RBMS3: variants seen among roughly 807,000 people sequenced by gnomAD.
RBMS3 encodes RNA binding motif single stranded interacting protein 3, also known as RNA-binding motif, single-stranded-interacting protein 3.
RBMS3 carries 27 observed loss-of-function variants against 66.8 expected under a neutral mutation model. The observed-to-expected ratio is 0.40, with a 90% CI of 0.30 to 0.56. RBMS3 has a LOEUF of 0.56. RBMS3 is among the 20% of genes least tolerant of loss of function. The pLI is 0.40. For missense variants in RBMS3, 513 were observed against 549.5 expected (o/e 0.93, Z 0.66); for synonymous variants, 188 against 183.0 (o/e 1.03, Z -0.22).
Position 29,630,685 on chromosome 3 carries a change from C to G in RBMS3, c.399+43480C>G, listed in dbSNP as rs117993002. Reference sequence around the variant, plus strand: ...ATAATGTTTAAGCCCCATCCCAGGCCTTTGAATCCAAATCCTCAAGAGTAA... The same window carrying G: ...ATAATGTTTAAGCCCCATCCCAGGCGTTTGAATCCAAATCCTCAAGAGTAA... On this transcript the variant is annotated intron_variant, in intron 4 of 14. Coordinates refer to ENST00000383767, the MANE Select transcript of RBMS3 (RefSeq NM_001003793.3). Among the ~76,000 whole-genome samples, 1,070 of 152,092 alleles carry G rather than the reference C, an allele frequency of 7.0e-3. 28 individuals are homozygous for G. Among genetic ancestry groups the G allele is most frequent in the Admixed American group, 0.057 (866 of 15,236 alleles).
At chr3:29,650,627 T>C (rs1250083227) in intron 4 of RBMS3, among the ~76,000 whole-genome samples, 1 of 152,138 alleles carries the variant, frequency 6.6e-6, no homozygotes, top group Admixed American at 6.5e-5. Flanking sequence ...AGAGATAGGT[T>C]CATTGTGGCA....
At chr3:29,472,967 T>A (rs1224082919) in intron 2 of RBMS3, among the ~76,000 whole-genome samples, 1 of 94,926 alleles carries the variant, frequency 1.1e-5, no homozygotes, top group Non-Finnish European at 2.1e-5. Context: ...GGGCGCTGAT[T>A]GGTGTGTTTA....
At chr3:29,899,123 C>G (rs2060194486) in intron 9 of RBMS3, among the ~76,000 whole-genome samples, 1 of 151,634 alleles carries the variant, frequency 6.6e-6, no homozygotes, top group South Asian at 2.1e-4. Context: ...AGTTGGCTGG[C>G]TGACATACTC....
chr3:29,958,470 A>G (rs1460186336), intron 12 of RBMS3, among the ~76,000 whole-genome samples: 1 of 152,200 alleles, frequency 6.6e-6, no homozygotes, highest in Non-Finnish European at 1.5e-5. Flanking sequence ...TCATGCAGAA[A>G]AAAAAACTCT....
At chr3:29,321,886 C>T (rs573140726) in intron 1 of RBMS3, among the ~76,000 whole-genome samples, 10 of 152,182 alleles carry the variant, frequency 6.6e-5, no homozygotes, top group African/African-American at 1.4e-4. Flanking sequence ...AAAAACTAAG[C>T]GGCTCTAAAT....
intron 4 of RBMS3, among the ~76,000 whole-genome samples, chr3:29,650,528 A>C (rs1242098666): frequency 6.6e-6 from 1 of 152,054 alleles, no homozygotes; most frequent in Non-Finnish European, 1.5e-5. Flanking sequence ...CCTGGGCTCA[A>C]ATGATCCTCC....
chr3:29,839,391 A>G (rs1456953001), intron 6 of RBMS3, among the ~76,000 whole-genome samples: 2 of 152,140 alleles, frequency 1.3e-5, no homozygotes, highest in Non-Finnish European at 2.9e-5. Context: ...ATCTGCTGCC[A>G]ATATTTTGCT....
intron 1 of RBMS3, among the ~76,000 whole-genome samples, chr3:29,294,115 G>A (rs2033052427): frequency 6.6e-6 from 1 of 151,782 alleles, no homozygotes. Context: ...GGTGTATGAT[G>A]CAGATTAAGG....
chr3:29,718,863 G>T (rs1345732299), intron 4 of RBMS3, among the ~76,000 whole-genome samples: 1 of 152,096 alleles, frequency 6.6e-6, no homozygotes, highest in Admixed American at 6.6e-5. Flanking sequence ...CGTATCCCTG[G>T]ATACATTTCC....
intron 3 of RBMS3, among the ~76,000 whole-genome samples, chr3:29,549,397 A>AT (rs5847580): frequency 0.06 from 8,196 of 135,492 alleles, 313 homozygotes; most frequent in Middle Eastern, 0.12. Context: ...AATTGGATTG[A>AT]TTTTTTTTTT....
chr3:29,783,861 A>G (rs2056727387), intron 6 of RBMS3, among the ~76,000 whole-genome samples: 1 of 152,150 alleles, frequency 6.6e-6, no homozygotes, highest in South Asian at 2.1e-4. Flanking sequence ...ATTATGTTCC[A>G]TGCAAATGGA....
At chr3:29,720,129 C>CA (rs1329355581) in intron 4 of RBMS3, among the ~76,000 whole-genome samples, 1 of 152,176 alleles carries the variant, frequency 6.6e-6, no homozygotes, top group African/African-American at 2.4e-5. Context: ...GTTGCACCCA[C>CA]ATTGGCCCTT....
intron 1 of RBMS3, among the ~76,000 whole-genome samples, chr3:29,373,370 C>A (rs3923401): frequency 0.12 from 18,988 of 152,202 alleles, 1,410 homozygotes; most frequent in Non-Finnish European, 0.17. Flanking sequence ...CCAATAATAC[C>A]AGCTGGGTGT....
intron 2 of RBMS3, among the ~76,000 whole-genome samples, chr3:29,464,221 G>T (rs1274578837): frequency 1.3e-5 from 2 of 152,150 alleles, no homozygotes; most frequent in African/African-American, 4.8e-5. Flanking sequence ...GTAAGTCTGT[G>T]GTTGCAGCCA....
intron 1 of RBMS3, among the ~76,000 whole-genome samples, chr3:29,352,345 C>T (rs73062148): frequency 0.079 from 12,032 of 152,020 alleles, 635 homozygotes; most frequent in Non-Finnish European, 0.11. Context: ...TTTTATAGTG[C>T]ATGATATATC....
intron 6 of RBMS3, among the ~76,000 whole-genome samples, chr3:29,811,196 C>A (rs1385523714): frequency 2.6e-5 from 4 of 152,070 alleles, no homozygotes; most frequent in Admixed American, 6.6e-5. Flanking sequence ...TTCAGGTAAT[C>A]GCTGAAGACT....
chr3:29,570,250 G>C (rs534170706), intron 3 of RBMS3, among the ~76,000 whole-genome samples: 3 of 151,844 alleles, frequency 2.0e-5, no homozygotes, highest in African/African-American at 7.2e-5. Context: ...TTTTGTTACA[G>C]GCATGTAATG....
intron 4 of RBMS3, among the ~76,000 whole-genome samples, chr3:29,628,616 A>G (rs1032170670): frequency 3.0e-4 from 46 of 152,142 alleles, no homozygotes; most frequent in Non-Finnish European, 6.5e-4. Flanking sequence ...TACATGTACC[A>G]TTATATATGT....
At chr3:29,469,681 A>G (rs1252120380) in intron 2 of RBMS3, among the ~76,000 whole-genome samples, 1 of 151,414 alleles carries the variant, frequency 6.6e-6, no homozygotes, top group African/African-American at 2.4e-5. Context: ...ATATATATAC[A>G]TACGTATAAG....
Sources: allele counts gnomAD v4.1 joint callset (sites outside exome capture counted in the v4.1 genomes callset), GRCh38; gene constraint gnomAD v4.1.1; transcripts MANE v1.5; gene names NCBI Gene and HGNC (gene_info 2026-07-23, HGNC 2026-07-21).